CREB5: variants seen among roughly 807,000 people sequenced by gnomAD.
CREB5 encodes cAMP responsive element binding protein 5, also known as cyclic AMP-responsive element-binding protein 5.
A neutral mutation model predicts 57.1 loss-of-function variants in CREB5; 19 were observed. The observed-to-expected ratio is 0.33, with a 90% CI of 0.23 to 0.49. The LOEUF is 0.49. Among genes scored for constraint, CREB5 ranks in the 20% least tolerant of loss-of-function variants. The pLI, the probability that CREB5 is intolerant of heterozygous loss-of-function variation, is 0.99. For missense variants in CREB5, 579 were observed against 671.6 expected (o/e 0.86, Z 1.52); for synonymous variants, 238 against 238.3 (o/e 1.00, Z 0.01).
intron 5 of CREB5, among the ~76,000 whole-genome samples, chr7:28,663,691 T>A (rs1799703586): frequency 6.6e-6 from 1 of 152,232 alleles, no homozygotes; most frequent in Non-Finnish European, 1.5e-5. Context: ...ATAATCCTAG[T>A]ATTTATTTTT....
At chr7:28,560,855 T>TGCGCGTGTGC (rs1554344299) in intron 4 of CREB5, among the ~76,000 whole-genome samples, 2 of 56,388 alleles carry the variant, frequency 3.5e-5, no homozygotes, top group African/African-American at 1.4e-4. Context: ...CGCGTGTGTG[T>TGCGCGTGTGC]GTGCGTGTGC....
chr7:28,519,140 G>T (rs117234972), intron 4 of CREB5, among the ~76,000 whole-genome samples: 168 of 152,270 alleles, frequency 1.1e-3, no homozygotes, highest in Non-Finnish European at 2.0e-3. Context: ...TTACACCGTT[G>T]TGACATTGCT....
chr7:28,475,300 G>C, intron 1 of CREB5, among the ~76,000 whole-genome samples: 1 of 110,776 alleles, frequency 9.0e-6, no homozygotes, highest in Non-Finnish European at 1.7e-5. Flanking sequence ...GCTAGGCGTG[G>C]TGGCTCATGC....
At chr7:28,480,554 GTT>G (rs143918993) in intron 1 of CREB5, among the ~76,000 whole-genome samples, 29,752 of 152,082 alleles carry the variant, frequency 0.2, 3,070 homozygotes, top group South Asian at 0.28. Context: ...AAGGAAGAGA[GTT>G]TGCCACCAGT....
At chr7:28,560,847 C>T (rs200383960) in intron 4 of CREB5, among the ~76,000 whole-genome samples, 16,800 of 41,596 alleles carry the variant, frequency 0.4, 4,277 homozygotes, top group African/African-American at 0.54. Flanking sequence ...TGTGTGTGCG[C>T]GTGTGTGTGT....
intron 7 of CREB5, among the ~76,000 whole-genome samples, chr7:28,790,961 A>C (rs1339574051): frequency 6.6e-6 from 1 of 152,248 alleles, no homozygotes; most frequent in Non-Finnish European, 1.5e-5. Context: ...TTATGGTTTG[A>C]AAACCTTACA....
intron 5 of CREB5, among the ~76,000 whole-genome samples, chr7:28,572,623 C>T (rs897815787): frequency 4.6e-5 from 7 of 152,194 alleles, no homozygotes; most frequent in Non-Finnish European, 8.8e-5. Flanking sequence ...TGCCACCCCC[C>T]ACCAACTACC....
intron 5 of CREB5, among the ~76,000 whole-genome samples, chr7:28,651,762 T>C (rs1799137983): frequency 6.6e-6 from 1 of 152,222 alleles, no homozygotes; most frequent in African/African-American, 2.4e-5. Flanking sequence ...TAACTGTGCA[T>C]ATTACATTTT....
At chr7:28,659,446 A>G (rs949864441) in intron 5 of CREB5, among the ~76,000 whole-genome samples, 1 of 152,122 alleles carries the variant, frequency 6.6e-6, no homozygotes, top group Admixed American at 6.5e-5. Flanking sequence ...TTCTTCTCTC[A>G]GTATGCTGTG....
intron 1 of CREB5, among the ~76,000 whole-genome samples, chr7:28,304,122 A>G (rs1583655960): frequency 1.3e-5 from 2 of 152,192 alleles, no homozygotes; most frequent in Non-Finnish European, 1.5e-5. Context: ...TGTTTTCTTT[A>G]TCTACAAGTC....
intron 5 of CREB5, among the ~76,000 whole-genome samples, chr7:28,642,795 T>A (rs1338008616): frequency 6.6e-6 from 1 of 152,136 alleles, no homozygotes; most frequent in Non-Finnish European, 1.5e-5. Flanking sequence ...AATTTTTGCA[T>A]GCGATCAGAG....
At chr7:28,397,898 G>T (rs896839206) in intron 1 of CREB5, among the ~76,000 whole-genome samples, 1 of 152,024 alleles carries the variant, frequency 6.6e-6, no homozygotes, top group Non-Finnish European at 1.5e-5. Context: ...GCTAGTAACA[G>T]GTAGAACCGG....
intron 1 of CREB5, among the ~76,000 whole-genome samples, chr7:28,344,128 T>C (rs907106891): frequency 6.6e-6 from 1 of 152,144 alleles, no homozygotes; most frequent in Non-Finnish European, 1.5e-5. Flanking sequence ...TTTGGAAATA[T>C]GTTCTCCCAT....
At chr7:28,589,729 A>C (rs1169241745) in intron 5 of CREB5, among the ~76,000 whole-genome samples, 1 of 152,152 alleles carries the variant, frequency 6.6e-6, no homozygotes, top group Non-Finnish European at 1.5e-5. Context: ...CATGAAGATG[A>C]AAAAAGATTC....
intron 4 of CREB5, among the ~76,000 whole-genome samples, chr7:28,560,875 C>CGCGT (rs1795127001): frequency 6.2e-4 from 12 of 19,216 alleles, no homozygotes; most frequent in Non-Finnish European, 7.9e-4. Context: ...CCTGCGTGCG[C>CGCGT]GTGCGTGCGT....
rs139661367 is a variant in CREB5 at position 28,562,285 on chromosome 7, C to T, written c.292-8080C>T. 4.9e-4 allele frequency among the ~76,000 whole-genome samples: 75 copies of T among 152,316 alleles called. 1 individual carries two copies. The East Asian group carries it at 0.014, about 28-fold the overall frequency. On this transcript the variant is annotated intron_variant, in intron 4 of 10. Transcript: ENST00000357727. ...GAAACTGACCAGGAAGGGGCAGAAT[C>T]TTTCTTTGAGAGACACTTGGAAACT...
At chr7:28,551,436 C>T (rs565289307) in intron 4 of CREB5, among the ~76,000 whole-genome samples, 3 of 152,234 alleles carry the variant, frequency 2.0e-5, no homozygotes, top group South Asian at 4.1e-4. Context: ...ACAAAACACA[C>T]CTCCCCTCTG....
At chr7:28,381,038 T>C (rs1786956896) in intron 1 of CREB5, among the ~76,000 whole-genome samples, 1 of 152,150 alleles carries the variant, frequency 6.6e-6, no homozygotes, top group Non-Finnish European at 1.5e-5. Flanking sequence ...CAGATGCTCA[T>C]TACATCCCGG....
chr7:28,391,705 G>A (rs1286713245), intron 1 of CREB5, among the ~76,000 whole-genome samples: 2 of 152,216 alleles, frequency 1.3e-5, no homozygotes, highest in African/African-American at 2.4e-5. Flanking sequence ...GGAAGGACTG[G>A]ATGTGGTTCT....
Sources: gnomAD v4.1 joint callset for allele counts (sites outside exome capture counted in the v4.1 genomes callset) on GRCh38, gnomAD v4.1.1 for gene constraint, MANE v1.5 for transcripts, NCBI Gene and HGNC (gene_info 2026-07-23, HGNC 2026-07-21) for gene names.